The following OXR1 variants were observed in gnomAD, a reference collection of about 807,000 sequenced individuals.
OXR1 encodes oxidation resistance protein 1.
A neutral mutation model predicts 104.6 loss-of-function variants in OXR1; 41 were observed. The observed-to-expected ratio is 0.39, with a 90% CI of 0.31 to 0.51. The LOEUF (loss-of-function observed/expected upper bound fraction) is 0.51. Ranked by LOEUF, OXR1 falls within the 20% of genes least tolerant of loss-of-function variation. The pLI is 0.77. For synonymous variants in OXR1, 348 were observed against 348.4 expected (o/e 1.00, Z 0.01); for missense variants, 955 against 1,031.9 (o/e 0.93, Z 1.02).
chr8:106,530,250 TA>T (rs1333523656), intron 3 of OXR1, among the ~76,000 whole-genome samples: 6 of 152,188 alleles, frequency 3.9e-5, no homozygotes, highest in African/African-American at 1.4e-4. Flanking sequence ...TGATTTTTTT[TA>T]ATTTGCTTTT....
intron 3 of OXR1, among the ~76,000 whole-genome samples, chr8:106,630,671 G>A (rs563077036): frequency 6.6e-6 from 1 of 152,278 alleles, no homozygotes; most frequent in Admixed American, 6.5e-5. Context: ...AAAGAGGAAG[G>A]TACAAGGAAG....
Position 106,694,768 on chromosome 8 carries a change from TAG to T in OXR1, c.675+1893_675+1894del, listed in dbSNP as rs1342794974. Among the ~76,000 whole-genome samples the T allele has an allele frequency of 1.8e-3, 213 of 116,642 alleles. 4 individuals are homozygous for T. Among genetic ancestry groups the T allele is most frequent in the African/African-American group, 5.3e-3 (155 of 29,202 alleles). The allele number at this position is 116,642 out of a possible 152,430, so 76.5% of individuals were successfully genotyped here. The stretch of plus-strand genomic sequence containing the variant: ...TTTATATATTAATATATATATTTAA[TAG>T]ATAAATACATATATATTTAATAGAT... On this transcript the variant is annotated intron_variant, in intron 7 of 16. Coordinates refer to ENST00000517566, the MANE Select transcript of OXR1 (RefSeq NM_001198533.2).
chr8:106,725,760 TAC>T (rs1162663112), intron 11 of OXR1, among the ~76,000 whole-genome samples: 1 of 152,194 alleles, frequency 6.6e-6, no homozygotes, highest in African/African-American at 2.4e-5. Flanking sequence ...ACATAAAAGA[TAC>T]AATCTTATAG....
At chr8:106,396,403 A>T (rs1817785200) in intron 2 of OXR1, among the ~76,000 whole-genome samples, 1 of 152,092 alleles carries the variant, frequency 6.6e-6, no homozygotes, top group Admixed American at 6.6e-5. Flanking sequence ...AGGGTGCCTC[A>T]TGTTTGTGAC....
chr8:106,568,365 T>G (rs532594257), intron 3 of OXR1, among the ~76,000 whole-genome samples: 4 of 152,198 alleles, frequency 2.6e-5, no homozygotes, highest in Non-Finnish European at 4.4e-5. Context: ...ATTTCTTTTC[T>G]TATATTCCAT....
At chr8:106,649,437 T>A (rs1382807478) in intron 3 of OXR1, among the ~76,000 whole-genome samples, 2 of 151,736 alleles carry the variant, frequency 1.3e-5, no homozygotes, top group Non-Finnish European at 1.5e-5. Flanking sequence ...TGTTTTCCCA[T>A]ATGCATGTAC....
At chr8:106,506,242 G>C (rs2129989742) in intron 2 of OXR1, among the ~76,000 whole-genome samples, 1 of 152,266 alleles carries the variant, frequency 6.6e-6, no homozygotes, top group Middle Eastern at 3.4e-3. Flanking sequence ...TATAAAATGT[G>C]TTGCATGTAA....
chr8:106,528,066 T>C (rs1431744360), intron 3 of OXR1, among the ~76,000 whole-genome samples: 1 of 152,146 alleles, frequency 6.6e-6, no homozygotes, highest in East Asian at 1.9e-4. Flanking sequence ...TGACTGTCCT[T>C]TCCATTTTTT....
intron 1 of OXR1, among the ~76,000 whole-genome samples, chr8:106,352,875 T>C (rs1815794089): frequency 1.3e-5 from 2 of 152,200 alleles, no homozygotes; most frequent in Admixed American, 6.5e-5. Context: ...CGAATATCCT[T>C]TTGATTTTAC....
intron 2 of OXR1, among the ~76,000 whole-genome samples, chr8:106,408,226 T>C (rs770202942): frequency 6.6e-6 from 1 of 152,190 alleles, no homozygotes; most frequent in Non-Finnish European, 1.5e-5. Context: ...TCTGGAATAG[T>C]TACTTTTAGT....
In OXR1 at chr8:106,414,355, T is replaced by A. The variant is rs957425486; in HGVS notation, c.23+54719T>A. Among the ~76,000 whole-genome samples the A allele has an allele frequency of 1.1e-4, 17 of 152,014 alleles. 1 individual carries two copies. Among genetic ancestry groups the A allele is most frequent in the Admixed American group, 2.6e-4 (4 of 15,240 alleles). On this transcript the variant is annotated intron_variant, in intron 2 of 16. Transcript: ENST00000517566. The stretch of plus-strand genomic sequence containing the variant: ...TGTAATTCCGAGAGGGAAGGGACCA[T>A]GTTGAATTGGAGAGATTGGGGAAAG...
chr8:106,489,807 T>G (rs1810955137), intron 2 of OXR1, among the ~76,000 whole-genome samples: 1 of 152,216 alleles, frequency 6.6e-6, no homozygotes, highest in South Asian at 2.1e-4. Flanking sequence ...TCTTAGTCCT[T>G]TTATGTGCTG....
At chr8:106,430,810 C>G (rs1203315774) in intron 2 of OXR1, among the ~76,000 whole-genome samples, 2 of 152,082 alleles carry the variant, frequency 1.3e-5, no homozygotes, top group Non-Finnish European at 2.9e-5. Context: ...AGGACAAACC[C>G]ATTTTAGTCT....
intron 16 of OXR1, among the ~76,000 whole-genome samples, chr8:106,748,066 A>G (rs1007055261): frequency 2.0e-5 from 3 of 152,194 alleles, no homozygotes; most frequent in African/African-American, 4.8e-5. Context: ...ATGGATTCAG[A>G]TATCTCTTTA....
chr8:106,367,240 T>A (rs1816508937), intron 2 of OXR1, among the ~76,000 whole-genome samples: 1 of 151,430 alleles, frequency 6.6e-6, no homozygotes, highest in Non-Finnish European at 1.5e-5. Flanking sequence ...TTTTTTGTAT[T>A]TTTTAGTAGA....
At chr8:106,656,916 T>C (rs1223600439) in intron 3 of OXR1, among the ~76,000 whole-genome samples, 1 of 152,086 alleles carries the variant, frequency 6.6e-6, no homozygotes, top group Non-Finnish European at 1.5e-5. Context: ...CAGGGCTCTA[T>C]TGTTGGAGTG....
At chr8:106,668,437 T>C (rs1826578363) in intron 3 of OXR1, among the ~76,000 whole-genome samples, 1 of 152,226 alleles carries the variant, frequency 6.6e-6, no homozygotes, top group South Asian at 2.1e-4. Context: ...GCCTGACTCA[T>C]GTGCCCACAT....
At chr8:106,284,529 A>G (rs1418134205) in intron 1 of OXR1, among the ~76,000 whole-genome samples, 1 of 152,224 alleles carries the variant, frequency 6.6e-6, no homozygotes, top group Non-Finnish European at 1.5e-5. Context: ...GAGAACAGAT[A>G]GTATTCAGCA....
intron 1 of OXR1, among the ~76,000 whole-genome samples, chr8:106,282,447 G>A (rs1276420416): frequency 6.6e-6 from 1 of 152,080 alleles, no homozygotes; most frequent in African/African-American, 2.4e-5. Flanking sequence ...AGAGTTAATG[G>A]TGCTGACCTG....
Sources: allele counts gnomAD v4.1 joint callset (sites outside exome capture counted in the v4.1 genomes callset), GRCh38; gene constraint gnomAD v4.1.1; transcripts MANE v1.5; gene names NCBI Gene and HGNC (gene_info 2026-07-23, HGNC 2026-07-21).